Variants in IQCB1 observed in about 807,000 individuals in gnomAD.
The protein encoded by IQCB1 is IQ motif containing B1, also known as IQ calmodulin-binding motif-containing protein 1.
IQCB1 carries 56 observed loss-of-function variants against 84.4 expected under a neutral mutation model. The observed-to-expected ratio is 0.66, with a 90% CI of 0.54 to 0.83. The LOEUF is 0.83. Among genes scored for constraint, IQCB1 ranks in the 40% least tolerant of loss-of-function variants. IQCB1 has a pLI of 0.00. For missense variants in IQCB1, 629 were observed against 682.1 expected (o/e 0.92, Z 0.87); for synonymous variants, 210 against 234.8 (o/e 0.89, Z 0.96).
intron 5 of IQCB1, among the ~76,000 whole-genome samples, chr3:121,818,073 C>G (rs1950139590): frequency 1.3e-5 from 2 of 152,086 alleles, no homozygotes; most frequent in Non-Finnish European, 2.9e-5. Context: ...GTTACAGCAG[C>G]CTGAACAGAG....
At position 121,787,614 on chromosome 3, in the gene IQCB1, G is replaced by T. The variant is rs142460397; in HGVS notation, c.1278+670C>A. On this transcript the variant is annotated intron_variant, in intron 12 of 14. Coordinates refer to ENST00000310864, the MANE Select transcript of IQCB1 (RefSeq NM_001023570.4). ...AAAAATACAAACATTAGATGGGTGT[G>T]GTGGTGCATGCCTGTAGTCCCAGCT... Among the ~76,000 whole-genome samples the T allele has an allele frequency of 2.7e-3, 408 of 152,198 alleles. 2 individuals carry two copies. The highest frequency in any genetic ancestry group is 9.4e-3 in the African/African-American group (390 of 41,506).
chr3:121,771,633 GTTTA>G (rs1162477356), intron 14 of IQCB1, among the ~76,000 whole-genome samples: 1 of 152,074 alleles, frequency 6.6e-6, no homozygotes, highest in Admixed American at 6.5e-5. Context: ...AGCCAAGATG[GTTTA>G]TTTAAAGAAT....
At chr3:121,807,108 T>G (rs1949623165) in intron 7 of IQCB1, among the ~76,000 whole-genome samples, 1 of 151,812 alleles carries the variant, frequency 6.6e-6, no homozygotes, top group Non-Finnish European at 1.5e-5. Flanking sequence ...AAATTTCCAG[T>G]CTTTTGTAGT....
rs1405105727 is a variant in IQCB1 at position 121,769,852 on chromosome 3, T to C, written c.*493A>G. 6.5e-6 allele frequency: 1 copy of C among 154,862 alleles called. No individual in the cohort carries two copies. The highest frequency in any genetic ancestry group is 1.4e-5 in the Non-Finnish European group (1 of 69,744). 9.6% of individuals were successfully genotyped at this position (154,862 alleles called of 1,614,324 possible). On this transcript the variant is annotated 3_prime_UTR_variant, in exon 15 of 15. Coordinates refer to ENST00000310864, the MANE Select transcript of IQCB1 (RefSeq NM_001023570.4). ...ACAAAATAGAAAATGAGTTCAACCA[T>C]TGCTTTATAGAAAACAGGGAAATGT...
In IQCB1 at chr3:121,797,233, A is replaced by G. The variant is rs1300156441; in HGVS notation, c.767-6T>C. On this transcript the variant is annotated splice_polypyrimidine_tract_variant and splice_region_variant and intron_variant, in intron 8 of 14. Coordinates refer to ENST00000310864, the MANE Select transcript of IQCB1 (RefSeq NM_001023570.4). ...ACTTAGTAGACGTCTGAGTCCTGAA[A>G]TGGAATAGCAAAAGGTACAACTATT... The G allele has an allele frequency of 3.8e-6, 5 of 1,309,206 alleles. No individual in the cohort carries two copies. The highest frequency in any genetic ancestry group is 5.5e-6 in the Non-Finnish European group (5 of 904,804). 81.1% of individuals were successfully genotyped at this position (1,309,206 alleles called of 1,614,324 possible). A position where few individuals can be genotyped will look rare whatever the true frequency, so the allele number is the denominator to read the frequency against.
chr3:121,830,916 GT>G (rs1251248466), intron 2 of IQCB1, among the ~76,000 whole-genome samples: 1 of 152,210 alleles, frequency 6.6e-6, no homozygotes, highest in Non-Finnish European at 1.5e-5. Context: ...GCCTTGCTGG[GT>G]TTCCCCACTC....
At chr3:121,804,607 T>G (rs1949537734) in intron 7 of IQCB1, among the ~76,000 whole-genome samples, 1 of 152,174 alleles carries the variant, frequency 6.6e-6, no homozygotes, top group Non-Finnish European at 1.5e-5. Context: ...TTTCTCTATA[T>G]AATGTTTTTT....
chr3:121,807,247 T>C (rs1949632170), intron 7 of IQCB1, 97 bp downstream of exon 7: 1 of 734,532 alleles, frequency 1.4e-6, no homozygotes, highest in Non-Finnish European at 2.6e-6. Context: ...ATACATTATA[T>C]ACAAATCATA....
At chr3:121,786,215 G>GAGAAGAGAAGAGAAGAGAA (rs59609336) in intron 12 of IQCB1, among the ~76,000 whole-genome samples, 2 of 147,080 alleles carry the variant, frequency 1.4e-5, no homozygotes, top group African/African-American at 5.1e-5. Flanking sequence ...GAAAAGAAAA[G>GAGAAGAGAAGAGAAGAGAA]GATGCTTTAA....
chr3:121,802,296 T>C (rs1300826866), intron 7 of IQCB1, among the ~76,000 whole-genome samples: 3 of 152,060 alleles, frequency 2.0e-5, no homozygotes, highest in Non-Finnish European at 4.4e-5. Flanking sequence ...TAGCTACAAA[T>C]TCAATTTTTT....
chr3:121,799,253 T>C lies in IQCB1; in HGVS notation c.709A>G (p.Met237Val). 1 of 1,611,152 alleles carries C rather than the reference T, an allele frequency of 6.2e-7. No homozygotes were observed. ...AAAATTTCCTGATGGGATTCAGCCATCAACAGTAGGAGTTTTGTAGCAGTA... is the reference window on the plus strand; with the variant it reads ...AAAATTTCCTGATGGGATTCAGCCACCAACAGTAGGAGTTTTGTAGCAGTA... ...RSTATKLLLL[M>V]AESHQEILIL... is the part of the protein sequence containing the mutation. The change falls in exon 8 of 15, where the codon ATG becomes GTG. Residue 237 changes from methionine to valine, a missense_variant. Physicochemically the swap from Met to Val is conservative, Grantham distance 21. Coordinates refer to ENST00000310864, the MANE Select transcript of IQCB1 (RefSeq NM_001023570.4).
chr3:121,813,634 T>C (rs1229614283), intron 5 of IQCB1, among the ~76,000 whole-genome samples: 3 of 152,178 alleles, frequency 2.0e-5, no homozygotes, highest in Non-Finnish European at 4.4e-5. Flanking sequence ...TAGTCTCTGA[T>C]AAGACAGACT....
chr3:121,798,937 C>A (rs1949300912), intron 8 of IQCB1, among the ~76,000 whole-genome samples: 1 of 151,822 alleles, frequency 6.6e-6, no homozygotes, highest in African/African-American at 2.4e-5. Flanking sequence ...ATTCAACACA[C>A]AAAACCTTTT....
intron 5 of IQCB1, among the ~76,000 whole-genome samples, chr3:121,820,326 T>C (rs1950229128): frequency 6.6e-6 from 1 of 152,154 alleles, no homozygotes; most frequent in Admixed American, 6.5e-5. Context: ...GGCCTCAACT[T>C]CTTTGCCTTC....
At chr3:121,780,646 G>A (rs941742310) in intron 13 of IQCB1, among the ~76,000 whole-genome samples, 1 of 152,140 alleles carries the variant, frequency 6.6e-6, no homozygotes, top group Non-Finnish European at 1.5e-5. Flanking sequence ...TGTTCCAGTG[G>A]TTACCAGATA....
intron 12 of IQCB1, among the ~76,000 whole-genome samples, chr3:121,786,100 GATA>G (rs1342965480): frequency 2.0e-4 from 30 of 148,462 alleles, no homozygotes; most frequent in Non-Finnish European, 2.7e-4. Flanking sequence ...GAGCCTCGCA[GATA>G]AAGGCTCCAG....
intron 9 of IQCB1, among the ~76,000 whole-genome samples, chr3:121,796,100 A>G (rs1949183946): frequency 6.6e-6 from 1 of 152,124 alleles, no homozygotes; most frequent in Non-Finnish European, 1.5e-5. Context: ...GGAATGGCAA[A>G]GGGTACAACT....
intron 12 of IQCB1, among the ~76,000 whole-genome samples, chr3:121,786,946 T>C (rs6781115): frequency 0.043 from 6,516 of 152,258 alleles, 420 homozygotes; most frequent in Admixed American, 0.18. Context: ...GGTAAAAGTA[T>C]TAGAAAGAAG....
intron 12 of IQCB1, among the ~76,000 whole-genome samples, chr3:121,786,216 G>C (rs947065528): frequency 5.8e-5 from 3 of 51,894 alleles, no homozygotes; most frequent in African/African-American, 1.7e-4. Context: ...AAAAGAAAAG[G>C]ATGCTTTAAA....
Sources: gnomAD v4.1 joint callset for allele counts (sites outside exome capture counted in the v4.1 genomes callset) on GRCh38, gnomAD v4.1.1 for gene constraint, MANE v1.5 for transcripts, NCBI Gene and HGNC (gene_info 2026-07-23, HGNC 2026-07-21) for gene names.